The following PTPRM variants were observed in gnomAD, a reference collection of about 807,000 sequenced individuals.
PTPRM encodes the protein receptor-type tyrosine-protein phosphatase mu.
PTPRM carries 47 observed loss-of-function variants against 186.7 expected under a neutral mutation model. The observed-to-expected ratio is 0.25, with a 90% CI of 0.20 to 0.32. The LOEUF (loss-of-function observed/expected upper bound fraction) is 0.32. Ranked by LOEUF, PTPRM falls within the 10% of genes least tolerant of loss-of-function variation. PTPRM has a pLI of 1.00. For synonymous variants in PTPRM, 668 were observed against 674.9 expected, an observed-to-expected ratio of 0.99 and a Z score of 0.16; for missense variants, 1,494 against 1,865.0, an observed-to-expected ratio of 0.80 and a Z score of 3.66.
intron 13 of PTPRM, among the ~76,000 whole-genome samples, chr18:8,118,811 A>AATATATATATAT (rs1555749529): frequency 7.8e-6 from 1 of 128,392 alleles, no homozygotes; most frequent in African/African-American, 2.9e-5. Context: ...AAAAAAAAAA[A>AATATATATATAT]ATATATATAT....
chr18:7,875,274 G>A (rs758735831), intron 2 of PTPRM, among the ~76,000 whole-genome samples: 1 of 151,888 alleles, frequency 6.6e-6, no homozygotes, highest in African/African-American at 2.4e-5. Context: ...CTGTATTATG[G>A]TGTATCCTAG....
At chr18:7,795,691 C>T (rs1044824498) in intron 2 of PTPRM, among the ~76,000 whole-genome samples, 1 of 152,084 alleles carries the variant, frequency 6.6e-6, no homozygotes, top group Middle Eastern at 3.4e-3. Flanking sequence ...TGAAACCATC[C>T]CTCTTTGAGG....
intron 20 of PTPRM, among the ~76,000 whole-genome samples, chr18:8,302,301 G>A (rs1259823672): frequency 3.9e-5 from 6 of 152,108 alleles, no homozygotes; most frequent in Non-Finnish European, 8.8e-5. Context: ...AGGGGTTCAT[G>A]TGAACAGACC....
intron 22 of PTPRM, among the ~76,000 whole-genome samples, chr18:8,322,277 A>G (rs577206616): frequency 6.6e-6 from 1 of 152,178 alleles, no homozygotes; most frequent in Admixed American, 6.5e-5. Context: ...CCTCCCATCC[A>G]CCCTCAATTT....
chr18:8,102,716 C>G (rs909669141), intron 11 of PTPRM, among the ~76,000 whole-genome samples: 1 of 152,152 alleles, frequency 6.6e-6, no homozygotes, highest in Admixed American at 6.5e-5. Flanking sequence ...TTCCAAGCTC[C>G]TGTTAATATT....
Position 8,379,112 on chromosome 18 carries a change from G to C in PTPRM, c.3613-55G>C, listed in dbSNP as rs76128087. On this transcript the variant is annotated intron_variant, in intron 27 of 32. Transcript: ENST00000580170. ...TGCATCTTTCGAAAACTGCACGTGA[G>C]AGGAGTCCGCTGCCAAGGCTTCTTG... 348 of 1,471,754 alleles carry C rather than the reference G, an allele frequency of 2.4e-4. 1 individual carries two copies. In the African/African-American group the frequency reaches 4.2e-3, roughly 18 times the overall value. 91.2% of individuals were successfully genotyped at this position (1,471,754 alleles called of 1,614,324 possible). A position where few individuals can be genotyped will look rare whatever the true frequency, so the allele number is the denominator to read the frequency against.
intron 2 of PTPRM, among the ~76,000 whole-genome samples, chr18:7,797,153 G>C (rs562361030): frequency 6.8e-4 from 104 of 152,166 alleles, no homozygotes; most frequent in Non-Finnish European, 1.3e-3. Flanking sequence ...CGAGTGTCTA[G>C]GGCTGGGCTT....
intron 7 of PTPRM, among the ~76,000 whole-genome samples, chr18:7,986,774 G>A (rs2082985746): frequency 1.3e-5 from 2 of 152,186 alleles, no homozygotes; most frequent in South Asian, 2.1e-4. Context: ...ACTGATTCAT[G>A]TGCTGAAGTC....
At chr18:8,372,001 G>T (rs1367841558) in intron 24 of PTPRM, among the ~76,000 whole-genome samples, 1 of 149,990 alleles carries the variant, frequency 6.7e-6, no homozygotes, top group Non-Finnish European at 1.5e-5. Flanking sequence ...GAAGACCTGG[G>T]TTATAGGCAG....
chr18:8,248,274 A>T, intron 17 of PTPRM, 98 bp downstream of exon 17: 2 of 1,139,532 alleles, frequency 1.8e-6, no homozygotes, highest in Admixed American at 1.7e-5. Context: ...TGTATAATGC[A>T]GTGATTATAA....
chr18:8,183,185 A>G (rs2093599757), intron 14 of PTPRM, among the ~76,000 whole-genome samples: 1 of 152,240 alleles, frequency 6.6e-6, no homozygotes, highest in African/African-American at 2.4e-5. Context: ...TAGCTTCTAA[A>G]TGGATTTAGA....
intron 1 of PTPRM, among the ~76,000 whole-genome samples, chr18:7,748,700 G>C (rs1472405659): frequency 6.6e-6 from 1 of 152,182 alleles, no homozygotes; most frequent in East Asian, 1.9e-4. Context: ...CAAAAGCCAA[G>C]TATAAATCCC....
In PTPRM at chr18:8,094,335, C is replaced by G. The variant is rs551266669; in HGVS notation, c.1856+5484C>G. 5.9e-5 allele frequency among the ~76,000 whole-genome samples: 9 copies of G among 151,760 alleles called. No individual in the cohort carries two copies. The South Asian group carries it at 6.3e-4, about 11-fold the overall frequency. On this transcript the variant is annotated intron_variant, in intron 11 of 32. Coordinates refer to ENST00000580170, the MANE Select transcript of PTPRM (RefSeq NM_001105244.2). ...CAGCAGTGAGCTGTGATTATGCACTCCAACTTGGGCAGCTGAGCCAGACCC... is the reference window on the plus strand; with the variant it reads ...CAGCAGTGAGCTGTGATTATGCACTGCAACTTGGGCAGCTGAGCCAGACCC...
intron 1 of PTPRM, among the ~76,000 whole-genome samples, chr18:7,610,292 A>G (rs922187746): frequency 5.3e-5 from 8 of 152,188 alleles, no homozygotes; most frequent in African/African-American, 1.9e-4. Flanking sequence ...CTCAGCCAAC[A>G]TGAATTTCAC....
chr18:8,273,376 C>T (rs2094795521), intron 19 of PTPRM, among the ~76,000 whole-genome samples: 2 of 152,042 alleles, frequency 1.3e-5, no homozygotes, highest in Non-Finnish European at 2.9e-5. Context: ...TTATGTGAGC[C>T]CCTGACTGCT....
intron 14 of PTPRM, among the ~76,000 whole-genome samples, chr18:8,144,092 C>T (rs556409769): frequency 2.6e-5 from 4 of 152,280 alleles, no homozygotes; most frequent in African/African-American, 9.6e-5. Context: ...ATGTTTAGTA[C>T]TGATTTCCAA....
intron 1 of PTPRM, among the ~76,000 whole-genome samples, chr18:7,631,845 A>G (rs1169084267): frequency 2.6e-5 from 4 of 152,100 alleles, no homozygotes; most frequent in Non-Finnish European, 4.4e-5. Context: ...TATTTTTGCA[A>G]TTATTCTAGC....
intron 2 of PTPRM, among the ~76,000 whole-genome samples, chr18:7,831,710 T>C (rs1348925480): frequency 1.3e-5 from 2 of 152,206 alleles, no homozygotes; most frequent in African/African-American, 2.4e-5. Flanking sequence ...CTAGGTCTTA[T>C]TCACTCTGTT....
intron 7 of PTPRM, among the ~76,000 whole-genome samples, chr18:8,024,322 G>T (rs557299173): frequency 1.3e-5 from 2 of 151,936 alleles, no homozygotes; most frequent in Middle Eastern, 3.4e-3. Context: ...GTTGATCTCC[G>T]TCATTAGTTT....
Sources: gnomAD v4.1 joint callset for allele counts (sites outside exome capture counted in the v4.1 genomes callset) on GRCh38, gnomAD v4.1.1 for gene constraint, MANE v1.5 for transcripts, NCBI Gene and HGNC (gene_info 2026-07-23, HGNC 2026-07-21) for gene names.